LGSN: variants seen among roughly 807,000 people sequenced by gnomAD.
The protein encoded by LGSN is lengsin, lens protein with glutamine synthetase domain.
Under a neutral mutation model 19.5 loss-of-function variants are expected in LGSN, and 21 were observed. The ratio of observed to expected loss-of-function variants is 1.07; its 90% CI spans 0.76 to 1.55. LGSN has a LOEUF of 1.55. Ranked by LOEUF, LGSN falls within the 40% of genes most tolerant of loss-of-function variation. LGSN has a pLI of 0.00. For synonymous variants in LGSN, 257 were observed against 215.6 expected (o/e 1.19, Z -1.68); for missense variants, 673 against 608.5 (o/e 1.11, Z -1.12).
chr6:63,502,147 A>C, the LGSN span, among the ~76,000 whole-genome samples: 2 of 152,196 alleles, frequency 1.3e-5, no homozygotes, highest in African/African-American at 4.8e-5. Context: ...CAAATTCATA[A>C]TCACACAGAC....
the LGSN span, among the ~76,000 whole-genome samples, chr6:63,522,404 C>T: frequency 1.3e-5 from 2 of 152,132 alleles, no homozygotes; most frequent in African/African-American, 4.8e-5. Flanking sequence ...TAAGTAGTCC[C>T]TGCAGGAGAT....
the LGSN span, among the ~76,000 whole-genome samples, chr6:63,511,652 A>C: frequency 6.6e-6 from 1 of 152,188 alleles, no homozygotes; most frequent in African/African-American, 2.4e-5. Flanking sequence ...GATGTTTTGG[A>C]TTATAGACCC....
chr6:63,390,147 T>TC, the LGSN span, among the ~76,000 whole-genome samples: 1 of 142,518 alleles, frequency 7.0e-6, no homozygotes, highest in African/African-American at 2.6e-5. Context: ...TTTTTTTTTT[T>TC]GAGGCAGAGT....
chr6:63,448,772 A>T, the LGSN span, among the ~76,000 whole-genome samples: 1 of 151,802 alleles, frequency 6.6e-6, no homozygotes, highest in African/African-American at 2.4e-5. Context: ...TCTACCCCAA[A>T]TAGAGTCTGC....
chr6:63,353,587 G>C, the LGSN span, among the ~76,000 whole-genome samples: 1 of 73,866 alleles, frequency 1.4e-5, no homozygotes, highest in African/African-American at 6.0e-5. Flanking sequence ...GCAGTTTGTA[G>C]CAAAAAAAAA....
chr6:63,490,605 C>T, the LGSN span, among the ~76,000 whole-genome samples: 1 of 151,700 alleles, frequency 6.6e-6, no homozygotes, highest in Non-Finnish European at 1.5e-5. Flanking sequence ...GAGACAGAGT[C>T]TCATTCTGTT....
chr6:63,490,570 T>A, the LGSN span, among the ~76,000 whole-genome samples: 1 of 152,028 alleles, frequency 6.6e-6, no homozygotes, highest in South Asian at 2.1e-4. Context: ...ATTTTTATTT[T>A]TTATTTATTA....
the LGSN span, among the ~76,000 whole-genome samples, chr6:63,469,771 G>A: frequency 5.6e-4 from 85 of 152,254 alleles, no homozygotes; most frequent in Non-Finnish European, 1.0e-3. Context: ...TTATTGCCCA[G>A]GCTGGAGTAC....
At chr6:63,419,880 CAAAAAAAAAAAAAAA>C in the LGSN span, among the ~76,000 whole-genome samples, 12 of 57,326 alleles carry the variant, frequency 2.1e-4, no homozygotes, top group South Asian at 6.8e-4. Flanking sequence ...AACTCCCTCC[CAAAAAAAAAAAAAAA>C]AAAAAAAAAA....
At chr6:63,341,367 G>C in the LGSN span, among the ~76,000 whole-genome samples, 1 of 152,212 alleles carries the variant, frequency 6.6e-6, no homozygotes, top group Admixed American at 6.5e-5. Flanking sequence ...ACTGGCAGTG[G>C]TGGGCTAGGC....
the LGSN span, among the ~76,000 whole-genome samples, chr6:63,520,959 C>T: frequency 1.3e-4 from 20 of 152,092 alleles, no homozygotes; most frequent in Non-Finnish European, 2.6e-4. Flanking sequence ...TAGAAACCAT[C>T]ATCCTCAGCA....
At chr6:63,480,867 A>T in the LGSN span, among the ~76,000 whole-genome samples, 1 of 150,280 alleles carries the variant, frequency 6.7e-6, no homozygotes, top group Non-Finnish European at 1.5e-5. Flanking sequence ...ATAGCAACAT[A>T]ATTACAATTC....
the LGSN span, among the ~76,000 whole-genome samples, chr6:63,534,545 T>C: frequency 6.6e-6 from 1 of 152,048 alleles, no homozygotes; most frequent in Non-Finnish European, 1.5e-5. Flanking sequence ...CTGGGTGCAG[T>C]GGCTCAAGTC....
the LGSN span, among the ~76,000 whole-genome samples, chr6:63,471,620 A>G: frequency 6.6e-6 from 1 of 150,914 alleles, no homozygotes; most frequent in Non-Finnish European, 1.5e-5. Context: ...AGCTGAGATC[A>G]CCGCCACTGC....
chr6:63,548,096 G>A, the LGSN span, among the ~76,000 whole-genome samples: 3 of 152,150 alleles, frequency 2.0e-5, no homozygotes, highest in Admixed American at 6.5e-5. Flanking sequence ...ACTCAGCTCC[G>A]AGGTCATAAC....
chr6:63,481,014 T>C, the LGSN span, among the ~76,000 whole-genome samples: 1 of 135,560 alleles, frequency 7.4e-6, no homozygotes, highest in African/African-American at 2.7e-5. Context: ...CATACATACA[T>C]ACATACCATG....
the LGSN span, among the ~76,000 whole-genome samples, chr6:63,398,976 C>A: frequency 6.6e-6 from 1 of 152,090 alleles, no homozygotes; most frequent in East Asian, 1.9e-4. Context: ...GGCTAGTTTT[C>A]AAAAAATTTT....
the LGSN span, among the ~76,000 whole-genome samples, chr6:63,501,287 A>G: frequency 6.6e-6 from 1 of 151,042 alleles, no homozygotes; most frequent in African/African-American, 2.4e-5. Flanking sequence ...GCTTGAACCC[A>G]GGAGGCGGAG....
At chr6:63,407,019 T>A in the LGSN span, among the ~76,000 whole-genome samples, 17,372 of 151,854 alleles carry the variant, frequency 0.11, 1,988 homozygotes, top group African/African-American at 0.3. Flanking sequence ...ACAGGCTCTG[T>A]AATTGAGGCA....
Sources: gnomAD v4.1 joint callset for allele counts (sites outside exome capture counted in the v4.1 genomes callset) on GRCh38, gnomAD v4.1.1 for gene constraint, MANE v1.5 for transcripts, NCBI Gene and HGNC (gene_info 2026-07-23, HGNC 2026-07-21) for gene names.